The following ZDHHC17 variants were observed in gnomAD, a reference collection of about 807,000 sequenced individuals.
ZDHHC17 encodes palmitoyltransferase ZDHHC17.
ZDHHC17 carries 40 observed loss-of-function variants against 90.3 expected under a neutral mutation model. The ratio of observed to expected loss-of-function variants is 0.44; its 90% CI spans 0.34 to 0.58. The LOEUF (loss-of-function observed/expected upper bound fraction) is 0.58, where lower values mean the gene tolerates loss of function less well. ZDHHC17 is among the 20% of genes least tolerant of loss of function. The pLI is 0.01. For synonymous variants in ZDHHC17, 235 were observed against 252.4 expected, an observed-to-expected ratio of 0.93 and a Z score of 0.65; for missense variants, 614 against 780.8, an observed-to-expected ratio of 0.79 and a Z score of 2.55.
intron 8 of ZDHHC17, among the ~76,000 whole-genome samples, chr12:76,826,528 A>T (rs1367870722): frequency 1.3e-5 from 2 of 152,128 alleles, no homozygotes; most frequent in Admixed American, 6.5e-5. Flanking sequence ...TATAATTCTT[A>T]TACTATTAGT....
intron 3 of ZDHHC17, among the ~76,000 whole-genome samples, chr12:76,807,218 C>T (rs940384715): frequency 6.6e-6 from 1 of 152,216 alleles, no homozygotes; most frequent in African/African-American, 2.4e-5. Context: ...CGAGCACTGT[C>T]AGCTGCGTGA....
At chr12:76,821,001 G>A in intron 7 of ZDHHC17, 1 of 1,040,256 alleles carries the variant, frequency 9.6e-7, no homozygotes, top group Non-Finnish European at 1.3e-6. Context: ...AAAATAGTTA[G>A]ATGACTGGAG....
At chr12:76,811,735 C>CT (rs372142558) in intron 5 of ZDHHC17, among the ~76,000 whole-genome samples, 1 of 93,838 alleles carries the variant, frequency 1.1e-5, no homozygotes, top group Non-Finnish European at 2.4e-5. Flanking sequence ...CCTTGGCCAT[C>CT]TGCTGACTGA....
At chr12:76,836,470 A>G (rs1592495789) in intron 10 of ZDHHC17, among the ~76,000 whole-genome samples, 1 of 151,644 alleles carries the variant, frequency 6.6e-6, no homozygotes, top group Admixed American at 6.6e-5. Flanking sequence ...CTATTTTCTA[A>G]TCTATTTTAT....
At position 76,797,988 on chromosome 12, in the gene ZDHHC17, G is replaced by A. The variant is rs144971388; in HGVS notation, c.197+451G>A. The stretch of plus-strand genomic sequence containing the variant: ...ACACACACACACACACGAAAATTTA[G>A]TTTATTTCCCATTGGATAATTGAAT... On this transcript the variant is annotated intron_variant, in intron 2 of 16. Coordinates refer to ENST00000426126, the MANE Select transcript of ZDHHC17 (RefSeq NM_015336.4). Among the ~76,000 whole-genome samples, 652 of 148,946 alleles carry A rather than the reference G, an allele frequency of 4.4e-3. 4 individuals are homozygous for A. The highest frequency in any genetic ancestry group is 0.015 in the African/African-American group (627 of 40,710).
At position 76,822,387 on chromosome 12, in the gene ZDHHC17, C is replaced by T. The variant is rs1257676332; in HGVS notation, c.772-19C>T. ...GCTTTTAAACTTTTAATAGGAATTT[C>T]TTCTGTTTATATTATCAGGGCGAAT... On this transcript the variant is annotated intron_variant, in intron 7 of 16. Transcript: ENST00000426126. 7 of 1,609,426 alleles carry T rather than the reference C, an allele frequency of 4.3e-6. No homozygotes were observed. Among genetic ancestry groups the T allele is most frequent in the Non-Finnish European group, 5.9e-6 (7 of 1,176,816 alleles).
intron 11 of ZDHHC17, 21 bp from the exon 12 acceptor site, chr12:76,842,898 T>C (rs764441799): frequency 6.4e-7 from 1 of 1,574,146 alleles, no homozygotes; most frequent in East Asian, 2.3e-5. Context: ...TTGAATTAAA[T>C]ATTATTTTTT....
intron 15 of ZDHHC17, 87 bp downstream of exon 15, chr12:76,848,477 C>T: frequency 7.8e-7 from 1 of 1,289,436 alleles, no homozygotes; most frequent in South Asian, 1.6e-5. Context: ...TCTTCCTAAC[C>T]ACTCCTGCTC....
At position 76,816,581 on chromosome 12, in the gene ZDHHC17, G is replaced by A. The variant is rs181265029; in HGVS notation, c.771+562G>A. On this transcript the variant is annotated intron_variant, in intron 7 of 16. Coordinates refer to ENST00000426126, the MANE Select transcript of ZDHHC17 (RefSeq NM_015336.4). Reference sequence around the variant, plus strand: ...TTGGCTATAATTTATAGTATTTTCTGTGTTATGTTTCTTAAATTTCTAAGG... The same window carrying A: ...TTGGCTATAATTTATAGTATTTTCTATGTTATGTTTCTTAAATTTCTAAGG... Among the ~76,000 whole-genome samples, 51 of 152,014 alleles carry A rather than the reference G, an allele frequency of 3.4e-4. 1 individual carries two copies. The East Asian group carries it at 8.9e-3, about 26-fold the overall frequency.
chr12:76,821,259 C>A, intron 7 of ZDHHC17: 1 of 540,008 alleles, frequency 1.9e-6, no homozygotes, highest in Non-Finnish European at 2.7e-6. Flanking sequence ...AAGTAAATAT[C>A]CCTATTTGTG....
At chr12:76,842,184 G>A (rs190887361) in intron 11 of ZDHHC17, 78 bp downstream of exon 11, 1 of 1,340,002 alleles carries the variant, frequency 7.5e-7, no homozygotes, top group Non-Finnish European at 9.7e-7. Flanking sequence ...GAGGACAGAG[G>A]AATTAACTAT....
intron 1 of ZDHHC17, chr12:76,781,602 C>A (rs1359377648): frequency 2.2e-6 from 1 of 455,996 alleles, no homozygotes; most frequent in Non-Finnish European, 4.4e-6. Flanking sequence ...TGCCCTTGCA[C>A]CTTCTACCAT....
intron 1 of ZDHHC17, among the ~76,000 whole-genome samples, chr12:76,765,776 C>T (rs931737946): frequency 6.6e-6 from 1 of 152,244 alleles, no homozygotes; most frequent in Admixed American, 6.5e-5. Context: ...TGACAGCTCA[C>T]TGCAGCCTCT....
chr12:76,788,688 A>ATTTT (rs763269507), intron 1 of ZDHHC17, among the ~76,000 whole-genome samples: 7 of 98,648 alleles, frequency 7.1e-5, no homozygotes, highest in African/African-American at 1.6e-4. Context: ...TGGAATCGCA[A>ATTTT]TTTTTTTTTT....
intron 1 of ZDHHC17, chr12:76,769,053 C>G (rs752511845): frequency 9.4e-6 from 4 of 425,030 alleles, no homozygotes; most frequent in South Asian, 5.0e-5. Flanking sequence ...CTTTTTGAAG[C>G]TTTTGGTTTT....
At chr12:76,788,883 A>G (rs1384001588) in intron 1 of ZDHHC17, among the ~76,000 whole-genome samples, 1 of 151,434 alleles carries the variant, frequency 6.6e-6, no homozygotes, top group Non-Finnish European at 1.5e-5. Context: ...TTTAGTAGAG[A>G]CGGGGTTTTC....
intron 15 of ZDHHC17, among the ~76,000 whole-genome samples, chr12:76,849,021 C>A (rs1387025129): frequency 1.4e-5 from 2 of 147,042 alleles, no homozygotes; most frequent in African/African-American, 2.5e-5. Context: ...CATGGTGGCT[C>A]ACACCTGTAA....
chr12:76,847,220 A>G (rs914811433), intron 14 of ZDHHC17, among the ~76,000 whole-genome samples: 2 of 152,300 alleles, frequency 1.3e-5, no homozygotes, highest in East Asian at 1.9e-4. Flanking sequence ...TTTTTGTTGC[A>G]TTGAGAATGC....
At chr12:76,822,690 G>A (rs1231569904) in intron 8 of ZDHHC17, among the ~76,000 whole-genome samples, 159 bp downstream of exon 8, 1 of 151,406 alleles carries the variant, frequency 6.6e-6, no homozygotes. Flanking sequence ...GAGTAGCTGG[G>A]ATTACAGGTG....
Sources: gnomAD v4.1 joint callset for allele counts (sites outside exome capture counted in the v4.1 genomes callset) on GRCh38, gnomAD v4.1.1 for gene constraint, MANE v1.5 for transcripts, NCBI Gene and HGNC (gene_info 2026-07-23, HGNC 2026-07-21) for gene names.